CRTAM: variants seen among roughly 807,000 people sequenced by gnomAD.
CRTAM encodes the protein cytotoxic and regulatory T-cell molecule.
Under a neutral mutation model 50.0 loss-of-function variants are expected in CRTAM, and 44 were observed. The ratio of observed to expected loss-of-function variants is 0.88; its 90% CI spans 0.69 to 1.13. The LOEUF (loss-of-function observed/expected upper bound fraction) is 1.13. Ranked by LOEUF, CRTAM falls within the 50% of genes most tolerant of loss-of-function variation. CRTAM has a pLI of 0.00. For missense variants in CRTAM, 448 were observed against 457.5 expected (o/e 0.98, Z 0.19); for synonymous variants, 159 against 169.3 (o/e 0.94, Z 0.47).
At chr11:122,839,054 A>G (rs1163232996) in intron 1 of CRTAM, among the ~76,000 whole-genome samples, 1 of 151,932 alleles carries the variant, frequency 6.6e-6, no homozygotes, top group African/African-American at 2.4e-5. Flanking sequence ...TCAGCCTCCC[A>G]AGTAGCTGGG....
At chr11:122,864,748 A>C (rs1241918508) in intron 7 of CRTAM, 29 bp downstream of exon 7, 1 of 1,496,348 alleles carries the variant, frequency 6.7e-7, no homozygotes, top group East Asian at 2.3e-5. Context: ...ATTTAGAATA[A>C]ACACTCGACA....
intron 5 of CRTAM, among the ~76,000 whole-genome samples, chr11:122,860,473 G>A (rs1862057682): frequency 6.6e-6 from 1 of 152,128 alleles, no homozygotes; most frequent in African/African-American, 2.4e-5. Flanking sequence ...AGATCATCAT[G>A]TGCCAGTATC....
At chr11:122,853,767 G>A (rs570711162) in intron 3 of CRTAM, among the ~76,000 whole-genome samples, 176 bp from the exon 4 acceptor site, 2 of 151,818 alleles carry the variant, frequency 1.3e-5, no homozygotes, top group East Asian at 1.9e-4. Context: ...TCAGTGAGGC[G>A]AAATCGTGCC....
intron 9 of CRTAM, among the ~76,000 whole-genome samples, chr11:122,868,454 T>C (rs780884747): frequency 3.3e-5 from 5 of 151,934 alleles, no homozygotes; most frequent in African/African-American, 4.8e-5. Flanking sequence ...AGGGAGTGTA[T>C]TCCAGCTCCA....
chr11:122,863,329 G>GAAAGAAAGAA (rs1862120172), intron 6 of CRTAM, among the ~76,000 whole-genome samples: 1 of 79,130 alleles, frequency 1.3e-5, no homozygotes, highest in African/African-American at 3.6e-5. Context: ...GAAAAAGAAA[G>GAAAGAAAGAA]AAAGAAAGAA....
intron 5 of CRTAM, among the ~76,000 whole-genome samples, chr11:122,857,397 A>G (rs1862021205): frequency 6.6e-6 from 1 of 152,244 alleles, no homozygotes; most frequent in African/African-American, 2.4e-5. Flanking sequence ...TGAACCCGAG[A>G]GGCGGAGTTT....
rs770791672 is a variant in CRTAM at position 122,867,433 on chromosome 11, T to C, written c.842T>C (p.Leu281Pro). 1.2e-6 allele frequency: 2 copies of C among 1,613,884 alleles called. No homozygotes were observed. Among genetic ancestry groups the C allele is most frequent in the Non-Finnish European group, 1.7e-6 (2 of 1,179,968 alleles). The change falls in exon 8 of 10, where the codon CTG (leucine) becomes CCG (proline). Residue 281 changes from leucine to proline, a missense_variant. Leu to Pro is a moderately conservative substitution (Grantham distance 98). Coordinates refer to ENST00000227348, the MANE Select transcript of CRTAM (RefSeq NM_019604.4). ...GAAGCAAATCCTCAGTATTTAGGAC[T>C]GGCAAGAAAGAAAAGTGGCATCCTG... is the stretch of plus-strand genomic sequence containing the variant. ...TTEANPQYLG[L>P]ARKKSGILLL...
chr11:122,851,915 G>A, intron 3 of CRTAM, 70 bp downstream of exon 3: 2 of 1,405,704 alleles, frequency 1.4e-6, no homozygotes, highest in Non-Finnish European at 2.0e-6. Flanking sequence ...TTTTTAAACT[G>A]AACCTTTTAG....
chr11:122,856,124 A>G (rs1445396503), intron 5 of CRTAM, among the ~76,000 whole-genome samples: 3 of 152,194 alleles, frequency 2.0e-5, no homozygotes, highest in Non-Finnish European at 2.9e-5. Flanking sequence ...TTTGATAATG[A>G]CTTTAAATCG....
intron 3 of CRTAM, among the ~76,000 whole-genome samples, chr11:122,853,457 G>A (rs1455029212): frequency 6.6e-6 from 1 of 152,116 alleles, no homozygotes; most frequent in Admixed American, 6.6e-5. Context: ...ACACATTCTG[G>A]CTTCAGCCAA....
At position 122,865,717 on chromosome 11, in the gene CRTAM, C is replaced by G. The variant is rs12281248; in HGVS notation, c.817+998C>G. Among the ~76,000 whole-genome samples the G allele has an allele frequency of 2.2e-3, 336 of 152,316 alleles. 1 individual carries two copies. The highest frequency in any genetic ancestry group is 7.8e-3 in the African/African-American group (323 of 41,558). On this transcript the variant is annotated intron_variant, in intron 7 of 9. Coordinates refer to ENST00000227348, the MANE Select transcript of CRTAM (RefSeq NM_019604.4). ...AAACTCAACATTGCTAAATACCAAA[C>G]AGCACCTTCTCCCACAAAATCAGCT... is the stretch of plus-strand genomic sequence containing the variant.
chr11:122,867,048 A>G (rs958093408), intron 7 of CRTAM, among the ~76,000 whole-genome samples: 1 of 152,216 alleles, frequency 6.6e-6, no homozygotes, highest in African/African-American at 2.4e-5. Flanking sequence ...TTGCTACTTA[A>G]CTATATTTTG....
intron 1 of CRTAM, among the ~76,000 whole-genome samples, chr11:122,847,363 T>A (rs1360256167): frequency 6.6e-6 from 1 of 152,174 alleles, no homozygotes; most frequent in Non-Finnish European, 1.5e-5. Flanking sequence ...AGGGGTCTAT[T>A]GACAGATAAG....
At chr11:122,850,047 C>A in intron 1 of CRTAM, 21 bp from the exon 2 acceptor site, 1 of 1,577,022 alleles carries the variant, frequency 6.3e-7, no homozygotes, top group South Asian at 1.1e-5. Flanking sequence ...CCTGATCATC[C>A]CCATTTCTCT....
chr11:122,842,032 T>A (rs139178127), intron 1 of CRTAM, among the ~76,000 whole-genome samples: 32 of 152,304 alleles, frequency 2.1e-4, no homozygotes, highest in Non-Finnish European at 1.9e-4. Flanking sequence ...GAGAAAGACA[T>A]TCCAGGACAA....
intron 7 of CRTAM, among the ~76,000 whole-genome samples, chr11:122,867,080 A>G (rs1862185678): frequency 6.6e-6 from 1 of 152,210 alleles, no homozygotes; most frequent in South Asian, 2.1e-4. Flanking sequence ...TCCTAAAGCT[A>G]ATTTGAATCT....
At chr11:122,859,404 T>G (rs115199259) in intron 5 of CRTAM, among the ~76,000 whole-genome samples, 1,713 of 148,114 alleles carry the variant, frequency 0.012, 40 homozygotes, top group African/African-American at 0.039. Context: ...AGCCACCGCA[T>G]CCGGCCCAGA....
chr11:122,867,919 AT>A (rs1447598845), intron 8 of CRTAM, 93 bp from the exon 9 acceptor site: 3 of 752,376 alleles, frequency 4.0e-6, no homozygotes, highest in Admixed American at 2.3e-5. Context: ...TAAGTCTACT[AT>A]TGCACAGTAA....
intron 5 of CRTAM, among the ~76,000 whole-genome samples, chr11:122,857,274 G>C (rs1057126606): frequency 1.3e-5 from 2 of 152,174 alleles, no homozygotes; most frequent in African/African-American, 4.8e-5. Flanking sequence ...TTCGAGACCA[G>C]TCTGGCCAAC....
Sources: allele counts gnomAD v4.1 joint callset (sites outside exome capture counted in the v4.1 genomes callset), GRCh38; gene constraint gnomAD v4.1.1; transcripts MANE v1.5; gene names NCBI Gene and HGNC (gene_info 2026-07-23, HGNC 2026-07-21).